MINDY4: variants seen among roughly 807,000 people sequenced by gnomAD.
MINDY4 encodes probable ubiquitin carboxyl-terminal hydrolase MINDY-4.
A neutral mutation model predicts 87.0 loss-of-function variants in MINDY4; 68 were observed. The ratio of observed to expected loss-of-function variants is 0.78; its 90% CI spans 0.64 to 0.96. The LOEUF (loss-of-function observed/expected upper bound fraction) is 0.96, where lower values mean the gene tolerates loss of function less well. Ranked by LOEUF, MINDY4 falls within the 40% of genes least tolerant of loss-of-function variation. MINDY4 has a pLI of 0.00. For synonymous variants in MINDY4, 379 were observed against 363.2 expected (o/e 1.04, Z -0.50); for missense variants, 919 against 928.2 (o/e 0.99, Z 0.13).
At chr7:30,781,683 T>G in intron 2 of MINDY4, 1 of 299,904 alleles carries the variant, frequency 3.3e-6, no homozygotes, top group Non-Finnish European at 6.1e-6. Flanking sequence ...AAGAGGAAAT[T>G]TGCTTAGGCA....
chr7:30,782,015 C>CTGG lies in MINDY4; in HGVS notation c.222_223insTGG (p.Ile74_Thr75insTrp). On this transcript the variant is annotated inframe_insertion, in exon 3 of 18. Coordinates refer to ENST00000265299, the MANE Select transcript of MINDY4 (RefSeq NM_032222.3). Reference sequence around the variant, plus strand: ...CTCTAAAAACAAGCCTTGAACTCATCACCAGATACTTTCTGGATCACTTTG... The same window carrying CTGG: ...CTCTAAAAACAAGCCTTGAACTCATCTGGACCAGATACTTTCTGGATCACTTTG... 2 of 1,614,102 alleles carry CTGG rather than the reference C, an allele frequency of 1.2e-6. No individual in the cohort carries two copies. The highest frequency in any genetic ancestry group is 1.7e-6 in the Non-Finnish European group (2 of 1,180,004).
chr7:30,787,699 T>C (rs1787196041), intron 4 of MINDY4, among the ~76,000 whole-genome samples: 1 of 152,154 alleles, frequency 6.6e-6, no homozygotes, highest in African/African-American at 2.4e-5. Flanking sequence ...AAAAGGTTGT[T>C]TTGGAAGGGA....
At chr7:30,882,134 C>T (rs1584355202) in intron 15 of MINDY4, 47 bp from the exon 16 acceptor site, 1 of 1,545,560 alleles carries the variant, frequency 6.5e-7, no homozygotes, top group African/African-American at 1.4e-5. Flanking sequence ...TGCCCGGACC[C>T]CTTTCCCTGG....
At chr7:30,794,955 A>G (rs1004763414) in intron 5 of MINDY4, among the ~76,000 whole-genome samples, 2 of 152,184 alleles carry the variant, frequency 1.3e-5, no homozygotes, top group Admixed American at 1.3e-4. Flanking sequence ...CCCTCAGGAA[A>G]CTTCAGATGT....
chr7:30,807,494 A>C (rs1397825215), intron 5 of MINDY4, among the ~76,000 whole-genome samples: 2 of 152,138 alleles, frequency 1.3e-5, no homozygotes, highest in Admixed American at 1.3e-4. Flanking sequence ...GAAAGTATCC[A>C]TTTTAGATTT....
intron 6 of MINDY4, among the ~76,000 whole-genome samples, chr7:30,834,392 A>G (rs1299728067): frequency 6.6e-6 from 1 of 152,172 alleles, no homozygotes; most frequent in Non-Finnish European, 1.5e-5. Flanking sequence ...TTTAGTCATC[A>G]CTAGAGTGGC....
intron 5 of MINDY4, among the ~76,000 whole-genome samples, chr7:30,818,538 A>G (rs1449577276): frequency 6.6e-6 from 1 of 152,232 alleles, no homozygotes; most frequent in Non-Finnish European, 1.5e-5. Flanking sequence ...TAGATGAAGA[A>G]TCTGAAGCCC....
At chr7:30,839,337 C>T (rs1788962870) in intron 8 of MINDY4, 21 bp downstream of exon 8, 3 of 1,494,820 alleles carry the variant, frequency 2.0e-6, no homozygotes, top group Non-Finnish European at 2.7e-6. Flanking sequence ...CCTAGGTTTC[C>T]TTGGGACCTT....
intron 5 of MINDY4, among the ~76,000 whole-genome samples, chr7:30,820,178 G>A (rs1788284781): frequency 6.6e-6 from 1 of 152,018 alleles, no homozygotes; most frequent in Non-Finnish European, 1.5e-5. Context: ...TGGGATTACA[G>A]GCGTGAGCCA....
intron 13 of MINDY4, among the ~76,000 whole-genome samples, chr7:30,859,601 C>T (rs138591836): frequency 6.6e-6 from 1 of 152,218 alleles, no homozygotes; most frequent in Non-Finnish European, 1.5e-5. Flanking sequence ...AACTGCAGTG[C>T]ATGCACACTT....
intron 1 of MINDY4, among the ~76,000 whole-genome samples, chr7:30,775,339 C>G (rs1316234305): frequency 6.6e-6 from 1 of 152,122 alleles, no homozygotes; most frequent in Admixed American, 6.5e-5. Context: ...TCACAGAACT[C>G]GGAGAAACAC....
intron 3 of MINDY4, 81 bp from the exon 4 acceptor site, chr7:30,785,668 A>T: frequency 7.9e-6 from 12 of 1,511,656 alleles, no homozygotes; most frequent in Non-Finnish European, 1.1e-5. Context: ...CTTTGAATGC[A>T]CATTGAATGT....
rs373216241 is a variant in MINDY4 at position 30,785,875 on chromosome 7, A to T, written c.546A>T (p.Ile182=). The change falls in exon 4 of 18, where the codon ATA becomes ATT. Residue 182 remains isoleucine (I), a synonymous_variant. Coordinates refer to ENST00000265299, the MANE Select transcript of MINDY4 (RefSeq NM_032222.3). The part of the protein sequence containing the change: ...TPVLTSAWEK[I]DKLHSEPSLD... ...TGTTGACTTCTGCATGGGAGAAGAT[A>T]GACAAGCTTCACTCGGAGCCTTCCT... is the stretch of plus-strand genomic sequence containing the variant. 1 of 1,614,136 alleles carries T rather than the reference A, an allele frequency of 6.2e-7. No homozygotes were observed. The highest frequency in any genetic ancestry group is 1.3e-5 in the African/African-American group (1 of 74,942).
intron 5 of MINDY4, among the ~76,000 whole-genome samples, chr7:30,808,250 A>G (rs973086256): frequency 6.6e-6 from 1 of 152,120 alleles, no homozygotes; most frequent in Admixed American, 6.5e-5. Flanking sequence ...GAAACTTGGT[A>G]AGACTAGTCT....
chr7:30,889,894 C>A (rs1440229774), intron 17 of MINDY4, among the ~76,000 whole-genome samples: 1 of 152,186 alleles, frequency 6.6e-6, no homozygotes, highest in Non-Finnish European at 1.5e-5. Context: ...CTTGAAATAT[C>A]TTTTAAAAAT....
intron 5 of MINDY4, among the ~76,000 whole-genome samples, chr7:30,808,872 T>G (rs6964164): frequency 0.55 from 80,680 of 147,234 alleles, 23,472 homozygotes; most frequent in African/African-American, 0.79. Context: ...GCTGGCAGAG[T>G]CAAGGAAAGA....
At chr7:30,773,957 C>CG (rs1313970677) in intron 1 of MINDY4, among the ~76,000 whole-genome samples, 8 of 152,208 alleles carry the variant, frequency 5.3e-5, no homozygotes, top group Non-Finnish European at 8.8e-5. Context: ...CTCCTTTCAT[C>CG]ATTCTCTTCT....
chr7:30,806,716 C>G (rs566488942), intron 5 of MINDY4, among the ~76,000 whole-genome samples: 22 of 152,272 alleles, frequency 1.4e-4, no homozygotes, highest in South Asian at 4.1e-4. Flanking sequence ...ATTTGCCTGC[C>G]TTGAGGCATT....
chr7:30,776,145 T>G (rs1207959970), intron 1 of MINDY4, among the ~76,000 whole-genome samples: 1 of 152,234 alleles, frequency 6.6e-6, no homozygotes, highest in African/African-American at 2.4e-5. Flanking sequence ...CAGTTTATTT[T>G]CAACCTAGCA....
Sources: gnomAD v4.1 joint callset for allele counts (sites outside exome capture counted in the v4.1 genomes callset) on GRCh38, gnomAD v4.1.1 for gene constraint, MANE v1.5 for transcripts, NCBI Gene and HGNC (gene_info 2026-07-23, HGNC 2026-07-21) for gene names.